The following SLC38A4 variants were observed in gnomAD, a reference collection of about 807,000 sequenced individuals.
The protein encoded by SLC38A4 is solute carrier family 38 member 4, also known as sodium-coupled neutral amino acid transporter 4.
Under a neutral mutation model 63.1 loss-of-function variants are expected in SLC38A4, and 20 were observed. The ratio of observed to expected loss-of-function variants is 0.32; its 90% CI spans 0.22 to 0.46. The LOEUF (loss-of-function observed/expected upper bound fraction) is 0.46, where lower values mean the gene tolerates loss of function less well. SLC38A4 is among the 20% of genes least tolerant of loss of function. SLC38A4 has a pLI of 1.00. For missense variants in SLC38A4, 526 were observed against 663.6 expected (o/e 0.79, Z 2.28); for synonymous variants, 230 against 225.5 (o/e 1.02, Z -0.18).
At chr12:46,821,349 T>C (rs1283305106) in intron 1 of SLC38A4, among the ~76,000 whole-genome samples, 1 of 152,098 alleles carries the variant, frequency 6.6e-6, no homozygotes, top group East Asian at 1.9e-4. Flanking sequence ...TGATGTAAGA[T>C]AAAGGTCCAA....
Position 46,791,639 on chromosome 12 carries a change from A to G in SLC38A4, c.119+1314T>C, listed in dbSNP as rs146168529. 3.9e-5 allele frequency among the ~76,000 whole-genome samples: 6 copies of G among 152,320 alleles called. No individual in the cohort carries two copies. The East Asian group carries it at 1.2e-3, about 29-fold the overall frequency. On this transcript the variant is annotated intron_variant, in intron 3 of 16. Coordinates refer to ENST00000266579, the MANE Select transcript of SLC38A4 (RefSeq NM_018018.5). ...AATTTGATATAACATTTTGTGGGAA[A>G]TCAATTGACTTATCAAATAACTATT...
chr12:46,804,462 AAAAC>A (rs1235922051), intron 1 of SLC38A4, among the ~76,000 whole-genome samples: 2 of 152,076 alleles, frequency 1.3e-5, no homozygotes, highest in East Asian at 3.9e-4. Context: ...TGAGGAAAGA[AAAAC>A]AAATCACAAA....
chr12:46,803,063 C>T (rs1173595709), intron 2 of SLC38A4, among the ~76,000 whole-genome samples: 2 of 152,010 alleles, frequency 1.3e-5, no homozygotes, highest in South Asian at 2.1e-4. Context: ...TAAGACACAA[C>T]ATTTTTTCTT....
intron 1 of SLC38A4, among the ~76,000 whole-genome samples, chr12:46,819,402 G>A: frequency 6.6e-6 from 1 of 151,472 alleles, no homozygotes; most frequent in Non-Finnish European, 1.5e-5. Context: ...TAATTACCCA[G>A]ATTTGATCAT....
Position 46,776,913 on chromosome 12 carries a change from T to A in SLC38A4, c.1165A>T (p.Thr389Ser). The A allele has an allele frequency of 6.2e-7, 1 of 1,610,554 alleles. No individual in the cohort carries two copies. Among genetic ancestry groups the A allele is most frequent in the Non-Finnish European group, 8.5e-7 (1 of 1,177,346 alleles). ...TTTCAGAGTGACCTACCATAGAAGGTTAGGTAACCAAAGAGGGCGGCAAGC... is the reference window on the plus strand; with the variant it reads ...TTTCAGAGTGACCTACCATAGAAGGATAGGTAACCAAAGAGGGCGGCAAGC... Reference protein sequence around the residue: ...YLLAALFGYLTFYGEVEDELL... With the variant: ...YLLAALFGYLSFYGEVEDELL... Residue 389 changes from threonine to serine, a missense_variant, in exon 13 of 17, where the codon ACC becomes TCC. By Grantham distance (58) the Thr-to-Ser change is moderately conservative. Transcript: ENST00000266579.
At chr12:46,802,598 T>A (rs1939152447) in intron 2 of SLC38A4, among the ~76,000 whole-genome samples, 1 of 151,934 alleles carries the variant, frequency 6.6e-6, no homozygotes, top group African/African-American at 2.4e-5. Flanking sequence ...TTCAAGAAAA[T>A]CCCAGAATGC....
chr12:46,784,030 T>C (rs963250962), intron 7 of SLC38A4, among the ~76,000 whole-genome samples: 3 of 152,050 alleles, frequency 2.0e-5, no homozygotes, highest in Admixed American at 6.6e-5. Context: ...AACCGGGGTT[T>C]ATAGTGCATT....
upstream of SLC38A4, among the ~76,000 whole-genome samples, chr12:46,828,360 C>T (rs192487378): frequency 1.1e-3 from 174 of 152,176 alleles, 5 homozygotes; most frequent in East Asian, 0.031. Context: ...CTCGCTCCGT[C>T]GCCCAGGCTG....
At chr12:46,812,056 T>C (rs1176647804) in intron 1 of SLC38A4, among the ~76,000 whole-genome samples, 1 of 152,164 alleles carries the variant, frequency 6.6e-6, no homozygotes, top group Non-Finnish European at 1.5e-5. Flanking sequence ...AAGTTAATTA[T>C]ATATGAGCAA....
intron 3 of SLC38A4, among the ~76,000 whole-genome samples, chr12:46,789,951 G>C (rs1482396752): frequency 9.2e-5 from 14 of 152,132 alleles, no homozygotes; most frequent in African/African-American, 3.4e-4. Flanking sequence ...GGTGGCAGGC[G>C]CCTGTAATCC....
At chr12:46,826,435 T>C (rs1327729512), upstream of SLC38A4, among the ~76,000 whole-genome samples, 1 of 152,186 alleles carries the variant, frequency 6.6e-6, no homozygotes, top group East Asian at 1.9e-4. Context: ...ATAGTAGCAA[T>C]CCTATTTTAT....
Position 46,807,889 on chromosome 12 carries a change from ACCC to A in SLC38A4, c.-304-4098_-304-4096del, listed in dbSNP as rs67831647. 5.0e-3 allele frequency among the ~76,000 whole-genome samples: 721 copies of A among 142,926 alleles called. 9 individuals carry two copies. Among genetic ancestry groups the A allele is most frequent in the South Asian group, 0.047 (206 of 4,408 alleles). 93.8% of individuals were successfully genotyped at this position (142,926 alleles called of 152,430 possible). A position where few individuals can be genotyped will look rare whatever the true frequency, so the allele number is the denominator to read the frequency against. On this transcript the variant is annotated intron_variant, in intron 1 of 16. Coordinates refer to ENST00000266579, the MANE Select transcript of SLC38A4 (RefSeq NM_018018.5). ...AGAAAAGAAGAGATAATTAAATGTT[ACCC>A]CCCCCCCCAAAGCCACATATAAAAT...
intron 7 of SLC38A4, among the ~76,000 whole-genome samples, chr12:46,781,980 T>G (rs1050409356): frequency 6.6e-6 from 1 of 152,028 alleles, no homozygotes; most frequent in African/African-American, 2.4e-5. Context: ...TTGTTGGGAT[T>G]TGGGGGGCTA....
At chr12:46,810,206 A>C (rs148245578) in intron 1 of SLC38A4, among the ~76,000 whole-genome samples, 1 of 152,188 alleles carries the variant, frequency 6.6e-6, no homozygotes, top group East Asian at 1.9e-4. Flanking sequence ...TGCTGTGTTC[A>C]AGAAAATAAG....
At chr12:46,795,621 A>C (rs1938987150) in intron 2 of SLC38A4, among the ~76,000 whole-genome samples, 1 of 152,014 alleles carries the variant, frequency 6.6e-6, no homozygotes, top group Non-Finnish European at 1.5e-5. Context: ...AACTTTTTTC[A>C]CACAATGAGC....
At chr12:46,828,350 C>A (rs1310854106), upstream of SLC38A4, among the ~76,000 whole-genome samples, 1 of 152,036 alleles carries the variant, frequency 6.6e-6, no homozygotes, top group Non-Finnish European at 1.5e-5. Context: ...GAGATGGAGT[C>A]TCGCTCCGTC....
chr12:46,788,112 C>G (rs1938801873), intron 4 of SLC38A4, 81 bp from the exon 5 acceptor site: 1 of 991,838 alleles, frequency 1.0e-6, no homozygotes, highest in African/African-American at 1.6e-5. Context: ...CTCACATTAT[C>G]TGCAGATTAC....
At chr12:46,805,486 A>G (rs1939212399) in intron 1 of SLC38A4, among the ~76,000 whole-genome samples, 1 of 152,076 alleles carries the variant, frequency 6.6e-6, no homozygotes, top group South Asian at 2.1e-4. Flanking sequence ...TAGTGAAGAA[A>G]TATATGGTCT....
intron 14 of SLC38A4, among the ~76,000 whole-genome samples, chr12:46,770,313 A>G (rs1565661867): frequency 7.0e-6 from 1 of 143,556 alleles, no homozygotes; most frequent in Non-Finnish European, 1.6e-5. Flanking sequence ...TTAAAATGGT[A>G]TTTTAAAATT....
Sources: allele counts gnomAD v4.1 joint callset (sites outside exome capture counted in the v4.1 genomes callset), GRCh38; gene constraint gnomAD v4.1.1; transcripts MANE v1.5; gene names NCBI Gene and HGNC (gene_info 2026-07-23, HGNC 2026-07-21).